MYLK3: variants seen among roughly 807,000 people sequenced by gnomAD.
MYLK3 encodes the protein MLC kinase.
A neutral mutation model predicts 76.3 loss-of-function variants in MYLK3; 55 were observed. The ratio of observed to expected loss-of-function variants is 0.72; its 90% CI spans 0.58 to 0.90. MYLK3 has a LOEUF of 0.90. Ranked by LOEUF, MYLK3 falls within the 40% of genes least tolerant of loss-of-function variation. The pLI is 0.00. For synonymous variants in MYLK3, 416 were observed against 425.4 expected (o/e 0.98, Z 0.27); for missense variants, 973 against 1,053.6 (o/e 0.92, Z 1.06).
intron 4 of MYLK3, among the ~76,000 whole-genome samples, 155 bp downstream of exon 4, chr16:46,732,053 A>G (rs1018337495): frequency 6.6e-6 from 1 of 151,964 alleles, no homozygotes; most frequent in African/African-American, 2.4e-5. Context: ...CTTGGTCTCC[A>G]GCCCCAGGAT....
At chr16:46,744,264 C>T (rs1028095607) in intron 1 of MYLK3, among the ~76,000 whole-genome samples, 3 of 149,982 alleles carry the variant, frequency 2.0e-5, no homozygotes, top group Admixed American at 6.7e-5. Context: ...GAACTCCTGA[C>T]CTCGTGATCT....
At chr16:46,709,007 G>C (rs1404837827) in intron 12 of MYLK3, among the ~76,000 whole-genome samples, 1 of 152,174 alleles carries the variant, frequency 6.6e-6, no homozygotes, top group Non-Finnish European at 1.5e-5. Context: ...CAAACCAAAT[G>C]TAAGTTTTAT....
At chr16:46,747,636 C>T in intron 1 of MYLK3, 81 bp downstream of exon 1, 1 of 1,389,922 alleles carries the variant, frequency 7.2e-7, no homozygotes, top group Non-Finnish European at 1.0e-6. Context: ...GCCTCCAGCT[C>T]TCCAAACACT....
intron 8 of MYLK3, 22 bp downstream of exon 8, chr16:46,727,214 G>T (rs374586368): frequency 5.0e-5 from 81 of 1,607,010 alleles, no homozygotes; most frequent in African/African-American, 6.7e-5. Flanking sequence ...GGCCCCTACC[G>T]CATGCCCAGG....
At position 46,755,881 on chromosome 16, in the gene MYLK3, TA is replaced by T. The variant is rs1967191766; in HGVS notation, c.-114+7158del. 2.0e-5 allele frequency among the ~76,000 whole-genome samples: 3 copies of T among 150,322 alleles called. No individual in the cohort carries two copies. The South Asian group carries it at 6.3e-4, about 32-fold the overall frequency. On this transcript the variant is annotated intron_variant, in intron 1 of 11. Transcript: ENST00000536476. ...AAGGAATTAGAGATGCCAGGACAACTAGAGTTCTTTTTTCTTTTTTCTTTCT... is the reference window on the plus strand; with the variant it reads ...AAGGAATTAGAGATGCCAGGACAACTGAGTTCTTTTTTCTTTTTTCTTTCT...
At chr16:46,754,904 T>TC (rs1167972546) in intron 1 of MYLK3, among the ~76,000 whole-genome samples, 1 of 151,546 alleles carries the variant, frequency 6.6e-6, no homozygotes, top group African/African-American at 2.4e-5. Flanking sequence ...ATTCGTGCTT[T>TC]TTTTTTTTTT....
rs562364221 is a variant in MYLK3, at chr16:46,744,540, G to T, written c.477+3177C>A. ...TATTTCTATTAAAGACAGGGTTTCA[G>T]CATGTTGGCCAGGCTGGTCTCGAAC... On this transcript the variant is annotated intron_variant, in intron 1 of 12. Coordinates refer to ENST00000394809, the MANE Select transcript of MYLK3 (RefSeq NM_182493.3). 2.0e-5 allele frequency among the ~76,000 whole-genome samples: 3 copies of T among 147,742 alleles called. No individual in the cohort carries two copies. The East Asian group carries it at 6.1e-4, about 30-fold the overall frequency.
At chr16:46,710,387 G>A (rs1966670352) in intron 11 of MYLK3, among the ~76,000 whole-genome samples, 1 of 152,194 alleles carries the variant, frequency 6.6e-6, no homozygotes, top group African/African-American at 2.4e-5. Flanking sequence ...CTGATAACTT[G>A]CAGATAGGAC....
At chr16:46,721,065 G>C in intron 9 of MYLK3, 58 bp downstream of exon 9, 2 of 1,470,700 alleles carry the variant, frequency 1.4e-6, no homozygotes, top group East Asian at 2.3e-5. Context: ...ACCATGCCCA[G>C]AGAGCCACAA....
At chr16:46,725,886 G>C (rs111258258) in intron 8 of MYLK3, 1 of 152,266 alleles carries the variant, frequency 6.6e-6, no homozygotes, top group African/African-American at 2.4e-5. Context: ...TTGGGTTCTT[G>C]CTCATGAAAT....
In MYLK3 at chr16:46,748,235, G is replaced by A. The variant is rs775121240; in HGVS notation, c.-42C>T. On this transcript the variant is annotated 5_prime_UTR_variant, in exon 1 of 13. Transcript: ENST00000394809. This position sits in a 1 kb window ranked among gnomAD's most constrained non-coding sequence, Gnocchi z 4.3. ...CAAGGGCAAGAGCGGGGAATGAGGA[G>A]AGGCACAGACCCCTGGTTCTCACTC... 7 of 1,578,286 alleles carry A rather than the reference G, an allele frequency of 4.4e-6. No homozygotes were observed. Among genetic ancestry groups the A allele is most frequent in the Admixed American group, 1.7e-5 (1 of 57,592 alleles).
chr16:46,725,581 T>G (rs1320741653), intron 8 of MYLK3, among the ~76,000 whole-genome samples: 1 of 152,252 alleles, frequency 6.6e-6, no homozygotes, highest in African/African-American at 2.4e-5. Flanking sequence ...CGTTGGTTGA[T>G]TTTCATATGT....
intron 1 of MYLK3, among the ~76,000 whole-genome samples, chr16:46,741,573 G>C (rs1256059678): frequency 6.6e-6 from 1 of 152,176 alleles, no homozygotes; most frequent in Non-Finnish European, 1.5e-5. Flanking sequence ...CCACAGCCCA[G>C]AGCCTTGCTG....
chr16:46,748,109 G>C lies in MYLK3; in HGVS notation c.85C>G (p.Leu29Val), dbSNP rs1212098957. Residue 29 changes from leucine (L) to valine (V), a missense_variant, in exon 1 of 13, where the codon CTG (leucine) becomes GTG (valine). Around this residue, in one of 2 missense-constraint regions of MYLK3, gnomAD observed 641 missense variants for 637.0 expected, o/e 1.01. Coordinates refer to ENST00000394809, the MANE Select transcript of MYLK3 (RefSeq NM_182493.3). This position sits in a 1 kb window ranked among gnomAD's most constrained non-coding sequence, Gnocchi z 4.3. Reference protein sequence around the residue: ...KTCLTTMDTKLNMLNEKVDQL... With the variant: ...KTCLTTMDTKVNMLNEKVDQL... ...TCCACCTTCTCGTTCAGCATGTTCA[G>C]CTTTGTGTCCATGGTTGTTAAGCAG... The C allele has an allele frequency of 6.2e-7, 1 of 1,614,264 alleles. No individual in the cohort carries two copies. Among genetic ancestry groups the C allele is most frequent in the East Asian group, 2.2e-5 (1 of 44,890 alleles).
intron 12 of MYLK3, among the ~76,000 whole-genome samples, chr16:46,708,718 C>T (rs953721983): frequency 2.6e-5 from 4 of 152,084 alleles, no homozygotes; most frequent in Non-Finnish European, 5.9e-5. Flanking sequence ...CTTTTGGATC[C>T]CCAGTGAGGA....
At chr16:46,762,108 C>T (rs900284164) in intron 1 of MYLK3, among the ~76,000 whole-genome samples, 5 of 152,178 alleles carry the variant, frequency 3.3e-5, no homozygotes, top group Admixed American at 6.5e-5. Flanking sequence ...ACCCCGCAGG[C>T]GGGCAACAGA....
chr16:46,744,221 C>T (rs1475774411), intron 1 of MYLK3, among the ~76,000 whole-genome samples: 1 of 148,284 alleles, frequency 6.7e-6, no homozygotes, highest in Non-Finnish European at 1.5e-5. Flanking sequence ...TTAGTAGAGA[C>T]GGGGGTTTCA....
chr16:46,715,368 T>C (rs1966725951), intron 9 of MYLK3, among the ~76,000 whole-genome samples: 1 of 152,192 alleles, frequency 6.6e-6, no homozygotes. Context: ...TTGGGGTGGT[T>C]TGTTACACAG....
chr16:46,722,442 C>T (rs1966808699), intron 8 of MYLK3, among the ~76,000 whole-genome samples: 1 of 152,158 alleles, frequency 6.6e-6, no homozygotes, highest in Admixed American at 6.5e-5. Flanking sequence ...ACTGTTTCTC[C>T]CAACAGAAGT....
Sources: allele counts gnomAD v4.1 joint callset (sites outside exome capture counted in the v4.1 genomes callset), GRCh38; gene constraint gnomAD v4.1.1; regional missense constraint gnomAD v4.1.1; non-coding constraint Gnocchi (gnomAD v3.1); transcripts MANE v1.5; gene names NCBI Gene and HGNC (gene_info 2026-07-23, HGNC 2026-07-21).